The following ACACB variants were observed in gnomAD, a reference collection of about 807,000 sequenced individuals.
ACACB encodes the protein acetyl-CoA carboxylase 2.
In ACACB, 209 loss-of-function variants were observed where a neutral mutation model predicts 278.8. The ratio of observed to expected loss-of-function variants is 0.75; its 90% CI spans 0.67 to 0.84. The LOEUF (loss-of-function observed/expected upper bound fraction) is 0.84. ACACB is among the 40% of genes least tolerant of loss of function. ACACB has a pLI of 0.00. For synonymous variants in ACACB, 1,174 were observed against 1,285.6 expected (o/e 0.91, Z 1.86); for missense variants, 2,850 against 3,269.0 (o/e 0.87, Z 3.13).
chr12:109,233,875 T>A, intron 30 of ACACB, 28 bp downstream of exon 30: 1 of 1,613,738 alleles, frequency 6.2e-7, no homozygotes, highest in Non-Finnish European at 8.5e-7. Flanking sequence ...GGGAGCAACC[T>A]GGGGAGCAGG....
chr12:109,249,245 C>T (rs899198236), intron 40 of ACACB: 3 of 152,070 alleles, frequency 2.0e-5, no homozygotes, highest in East Asian at 3.8e-4. Flanking sequence ...GGAGAAAAGG[C>T]GCAGGCAGGG....
chr12:109,245,787 C>A (rs979550824), intron 38 of ACACB, 39 bp downstream of exon 38: 3 of 1,604,140 alleles, frequency 1.9e-6, no homozygotes, highest in South Asian at 1.1e-5. Flanking sequence ...GCTGGAGTCA[C>A]CCCCTTAAAA....
chr12:109,179,418 G>A, intron 10 of ACACB, 121 bp downstream of exon 10: 1 of 1,025,568 alleles, frequency 9.8e-7, no homozygotes, highest in Non-Finnish European at 1.4e-6. Context: ...AGAGGGATGA[G>A]GGCCCATTCC....
intron 9 of ACACB, among the ~76,000 whole-genome samples, chr12:109,177,592 A>T (rs913622503): frequency 2.6e-5 from 4 of 152,170 alleles, no homozygotes; most frequent in African/African-American, 2.4e-5. Flanking sequence ...GGAAGAATTG[A>T]TATTAAAAGG....
chr12:109,266,392 A>T lies in ACACB; in HGVS notation c.*30A>T. 6.3e-7 allele frequency: 1 copy of T among 1,581,496 alleles called. No individual in the cohort carries two copies. Among genetic ancestry groups the T allele is most frequent in the Non-Finnish European group, 8.6e-7 (1 of 1,166,876 alleles). On this transcript the variant is annotated 3_prime_UTR_variant, in exon 53 of 53. Transcript: ENST00000338432. ...GGCCCGCCCAGCCACTCCCGGGACCACGGCAAAAGGAACCACCCAGACCCA... is the reference window on the plus strand; with the variant it reads ...GGCCCGCCCAGCCACTCCCGGGACCTCGGCAAAAGGAACCACCCAGACCCA...
At chr12:109,172,029 A>G (rs1156378182) in intron 5 of ACACB, 115 bp downstream of exon 5, 1 of 902,398 alleles carries the variant, frequency 1.1e-6, no homozygotes, top group African/African-American at 1.7e-5. Context: ...CAAGGCTCCA[A>G]ATTCCTGGGC....
At chr12:109,263,774 A>AAT (rs1252378904) in intron 49 of ACACB, 2 of 153,204 alleles carry the variant, frequency 1.3e-5, no homozygotes, top group African/African-American at 4.8e-5. Context: ...TGTTTCAAGG[A>AAT]ATTTGTCTAT....
intron 7 of ACACB, 25 bp from the exon 8 acceptor site, chr12:109,175,906 A>G (rs576298932): frequency 6.2e-7 from 1 of 1,602,540 alleles, no homozygotes; most frequent in Non-Finnish European, 8.5e-7. Flanking sequence ...TTTGGGAGGA[A>G]TCAGGTTTCT....
chr12:109,201,694 T>G lies in ACACB; in HGVS notation c.2906T>G (p.Val969Gly), dbSNP rs749872855. Reference protein sequence around the residue: ...ARLELDDPSKVHPAEPFTGEL... With the variant: ...ARLELDDPSKGHPAEPFTGEL... ...CTGGAGCTCGATGACCCTTCTAAAG[T>G]CCACCCGGTATGTGGCTCCACGGCC... Residue 969 changes from valine (V) to glycine (G), a missense_variant, in exon 19 of 53, where the codon GTC becomes GGC. Around this residue, in one of 3 missense-constraint regions of ACACB, gnomAD observed 2,265 missense variants for 2,561.3 expected, o/e 0.88. Transcript: ENST00000338432. 1 of 1,613,780 alleles carries G rather than the reference T, an allele frequency of 6.2e-7. No individual in the cohort carries two copies. The highest frequency in any genetic ancestry group is 8.5e-7 in the Non-Finnish European group (1 of 1,179,880).
chr12:109,266,293 C>T lies in ACACB; in HGVS notation c.7308C>T (p.His2436=), dbSNP rs770528273. Residue 2436 remains histidine (H), a synonymous_variant, in exon 53 of 53, where the codon CAC becomes CAT. Coordinates refer to ENST00000338432, the MANE Select transcript of ACACB (RefSeq NM_001093.4). ...ACTGTGTGATATACCTGAGCCAGCA[C>T]ATCAGCCCAGCTGAGCGGGCGCAGG... ...AVDCVIYLSQ[H]ISPAERAQVV... 5.7e-5 allele frequency: 92 copies of T among 1,613,820 alleles called. No homozygotes were observed. Among genetic ancestry groups the T allele is most frequent in the South Asian group, 2.2e-5 (2 of 91,064 alleles).
chr12:109,210,636 C>T (rs1471288342), intron 21 of ACACB, among the ~76,000 whole-genome samples: 1 of 150,452 alleles, frequency 6.6e-6, no homozygotes, highest in Non-Finnish European at 1.5e-5. Context: ...ATACTGAGGT[C>T]GGGTGCATTG....
Position 109,222,888 on chromosome 12 carries a change from C to T in ACACB, c.3768C>T (p.His1256=), listed in dbSNP as rs749297152. The T allele has an allele frequency of 1.9e-6, 3 of 1,612,584 alleles. No individual in the cohort carries two copies. Among genetic ancestry groups the T allele is most frequent in the South Asian group, 2.2e-5 (2 of 90,770 alleles). Residue 1256 remains histidine (H), a synonymous_variant, in exon 26 of 53, where the codon CAC becomes CAT. Transcript: ENST00000338432. The part of the protein sequence containing the change: ...IFLSAIDMYG[H]QFCPENLKKL... ...TGTCTGCCATTGACATGTACGGCCA[C>T]CAGTTCTGCCCCGAGAACCTCAAGG...
chr12:109,119,605 AT>A (rs1267126087), intron 1 of ACACB, among the ~76,000 whole-genome samples: 22 of 144,466 alleles, frequency 1.5e-4, no homozygotes, highest in African/African-American at 4.4e-4. Flanking sequence ...AAAAAAAAAA[AT>A]GATTTTGAGA....
chr12:109,239,994 T>A lies in ACACB; in HGVS notation c.4818+9T>A. 1 of 1,611,776 alleles carries A rather than the reference T, an allele frequency of 6.2e-7. No homozygotes were observed. The highest frequency in any genetic ancestry group is 8.5e-7 in the Non-Finnish European group (1 of 1,178,796). On this transcript the variant is annotated intron_variant, in intron 35 of 52. Transcript: ENST00000338432. ...TCATGGACCCCTTCAAGGTCTCGCC[T>A]TTGCAGGGGGGCTCTCACCGGGCTC...
intron 15 of ACACB, 137 bp from the exon 16 acceptor site, chr12:109,193,511 C>T (rs1436718517): frequency 2.9e-6 from 2 of 696,412 alleles, no homozygotes; most frequent in African/African-American, 1.8e-5. Flanking sequence ...AGCCATTGCG[C>T]CCAGCCCAGG....
Position 109,265,419 on chromosome 12 carries a change from G to T in ACACB, c.7144G>T (p.Val2382Leu), listed in dbSNP as rs373300737. 1.9e-6 allele frequency: 3 copies of T among 1,613,750 alleles called. No individual in the cohort carries two copies. The highest frequency in any genetic ancestry group is 2.5e-6 in the Non-Finnish European group (3 of 1,179,966). Residue 2382 changes from valine to leucine, a missense_variant, in exon 52 of 53, where the codon GTG becomes TTG. By Grantham distance (32) the Val-to-Leu change is conservative. Transcript: ENST00000338432. ...AYLWDNNQVV[V>L]QWLEQHWQAG... is the part of the protein sequence containing the mutation. ...CTTGTGGGACAACAACCAGGTGGTT[G>T]TGCAGTGGCTGGAACAGCACTGGCA...
intron 2 of ACACB, among the ~76,000 whole-genome samples, chr12:109,158,366 AT>A (rs34705590): frequency 0.38 from 55,419 of 147,546 alleles, 10,601 homozygotes; most frequent in East Asian, 0.61. Context: ...GATTCTTTTG[AT>A]TTTTTTTTTT....
Position 109,266,550 on chromosome 12 carries a change from A to C in ACACB, c.*188A>C. Reference sequence around the variant, plus strand: ...GGCCCAGGAGTGCCTCTTCCAAACAAAAACAGCCTCCTCTCCATAGCTGGG... The same window carrying C: ...GGCCCAGGAGTGCCTCTTCCAAACACAAACAGCCTCCTCTCCATAGCTGGG... On this transcript the variant is annotated 3_prime_UTR_variant, in exon 53 of 53. Transcript: ENST00000338432. The C allele has an allele frequency of 1.8e-6, 1 of 560,598 alleles. No individual in the cohort carries two copies. Among genetic ancestry groups the C allele is most frequent in the Non-Finnish European group, 2.8e-6 (1 of 360,050 alleles). The allele number at this position is 560,598 out of a possible 1,614,324, so 34.7% of individuals were successfully genotyped here.
intron 1 of ACACB, among the ~76,000 whole-genome samples, chr12:109,133,827 A>G (rs367571333): frequency 2.8e-5 from 3 of 108,578 alleles, no homozygotes; most frequent in Admixed American, 1.0e-4. Context: ...TTGGTGCTCA[A>G]TGTGTGTGCA....
Sources: gnomAD v4.1 joint callset for allele counts (sites outside exome capture counted in the v4.1 genomes callset) on GRCh38, gnomAD v4.1.1 for gene constraint, gnomAD v4.1.1 regional missense constraint, MANE v1.5 for transcripts, NCBI Gene and HGNC (gene_info 2026-07-23, HGNC 2026-07-21) for gene names.